Variants in KCNMA1 observed in about 807,000 individuals in gnomAD.
KCNMA1 encodes Calcium-activated potassium channel subunit alpha-1.
In KCNMA1, 29 loss-of-function variants were observed where a neutral mutation model predicts 140.0. That is an observed-to-expected ratio of 0.21 (90% CI 0.15 to 0.28). The LOEUF (loss-of-function observed/expected upper bound fraction) is 0.28. KCNMA1 is among the 10% of genes least tolerant of loss of function. KCNMA1 has a pLI of 1.00. For missense variants in KCNMA1, 880 were observed against 1,602.2 expected, an observed-to-expected ratio of 0.55 and a Z score of 7.70; for synonymous variants, 612 against 611.9, an observed-to-expected ratio of 1.00 and a Z score of 0.00.
At chr10:77,359,253 G>A (rs977063667) in intron 2 of KCNMA1, among the ~76,000 whole-genome samples, 6 of 152,166 alleles carry the variant, frequency 3.9e-5, no homozygotes, top group African/African-American at 4.8e-5. Context: ...ATGTGTTGGC[G>A]GGGAGGGGCA....
intron 1 of KCNMA1, among the ~76,000 whole-genome samples, chr10:77,595,956 G>A (rs1470164354): frequency 6.6e-6 from 1 of 152,170 alleles, no homozygotes; most frequent in Non-Finnish European, 1.5e-5. Flanking sequence ...AGCCCAGATA[G>A]GTTAGTTTAT....
At chr10:77,039,264 C>CTGTA (rs1228074450) in intron 15 of KCNMA1, 2 of 551,474 alleles carry the variant, frequency 3.6e-6, no homozygotes, top group Middle Eastern at 5.0e-4. Flanking sequence ...TGCAGGATAA[C>CTGTA]TGTAGTTCAT....
At chr10:77,143,717 AT>A (rs1489482215) in intron 5 of KCNMA1, among the ~76,000 whole-genome samples, 1 of 152,144 alleles carries the variant, frequency 6.6e-6, no homozygotes, top group Non-Finnish European at 1.5e-5. Flanking sequence ...AGGCACTCAC[AT>A]TTTTAAAAAG....
chr10:77,595,218 G>A (rs2080481842), intron 1 of KCNMA1, among the ~76,000 whole-genome samples: 1 of 151,802 alleles, frequency 6.6e-6, no homozygotes, highest in African/African-American at 2.4e-5. Flanking sequence ...ATGGTGGTGG[G>A]CGCCTGTATT....
At chr10:77,158,666 CTT>C (rs1040499900) in intron 5 of KCNMA1, among the ~76,000 whole-genome samples, 1 of 152,106 alleles carries the variant, frequency 6.6e-6, no homozygotes, top group Non-Finnish European at 1.5e-5. Flanking sequence ...AAGAAGTTGT[CTT>C]GAGACCCCTT....
intron 3 of KCNMA1, among the ~76,000 whole-genome samples, chr10:77,206,312 T>A (rs1306231422): frequency 2.0e-5 from 3 of 152,154 alleles, no homozygotes. Context: ...TTGAAAAAAA[T>A]GTGTCAACCT....
At position 77,223,189 on chromosome 10, in the gene KCNMA1, A is replaced by T. The variant is rs967355844; in HGVS notation, c.602+28006T>A. Among the ~76,000 whole-genome samples, 6 of 151,936 alleles carry T rather than the reference A, an allele frequency of 3.9e-5. No homozygotes were observed. In the South Asian group the frequency reaches 1.2e-3, roughly 32 times the overall value. On this transcript the variant is annotated intron_variant, in intron 3 of 27. Coordinates refer to ENST00000286628, the MANE Select transcript of KCNMA1 (RefSeq NM_001161352.2). Reference sequence around the variant, plus strand: ...GGTTGCAGTGCGCTGAGATCATGCCATTGCACTCCAGCTCTGGGTGACAGA... The same window carrying T: ...GGTTGCAGTGCGCTGAGATCATGCCTTTGCACTCCAGCTCTGGGTGACAGA...
rs572827902 is a variant in KCNMA1 at position 77,637,505 on chromosome 10, AGAG to A, written c.135_137del (p.Ser60del). 2,888 of 1,551,062 alleles carry A rather than the reference AGAG, an allele frequency of 1.9e-3. No individual in the cohort carries two copies. The highest frequency in any genetic ancestry group is 2.1e-3 in the Non-Finnish European group (2,428 of 1,136,446). ...AGGAGGAGGAAGAAGAAGAAGAGGAAGAGGAGGAGGAGGAGGAGGAGGACGCGT... is the reference window on the plus strand; with the variant it reads ...AGGAGGAGGAAGAAGAAGAAGAGGAAGAGGAGGAGGAGGAGGAGGACGCGT... On this transcript the variant is annotated inframe_deletion, in exon 1 of 28. Transcript: ENST00000286628.
At chr10:76,918,448 T>G (rs1446981634) in intron 23 of KCNMA1, among the ~76,000 whole-genome samples, 1 of 152,208 alleles carries the variant, frequency 6.6e-6, no homozygotes, top group Admixed American at 6.6e-5. Flanking sequence ...GGGAGGCAAG[T>G]TTTGTGCTAA....
At chr10:77,143,956 C>A (rs1025748308) in intron 5 of KCNMA1, among the ~76,000 whole-genome samples, 1 of 152,252 alleles carries the variant, frequency 6.6e-6, no homozygotes, top group Non-Finnish European at 1.5e-5. Flanking sequence ...GCAGCTGGCA[C>A]CCTCACACGT....
At chr10:77,317,721 G>A (rs142045792) in intron 2 of KCNMA1, among the ~76,000 whole-genome samples, 91 of 152,312 alleles carry the variant, frequency 6.0e-4, no homozygotes, top group African/African-American at 1.8e-3. Flanking sequence ...GCACAAGGCC[G>A]CTGTACATTT....
chr10:77,145,012 G>T (rs1008047573), intron 5 of KCNMA1, among the ~76,000 whole-genome samples: 2 of 152,178 alleles, frequency 1.3e-5, no homozygotes. Flanking sequence ...CCAAAAATCT[G>T]CCAAAGCACT....
At chr10:77,449,519 T>G (rs1410640625) in intron 1 of KCNMA1, among the ~76,000 whole-genome samples, 7 of 48,002 alleles carry the variant, frequency 1.5e-4, no homozygotes, top group East Asian at 1.0e-3. Context: ...AGGATTAGGG[T>G]GGGTGGGGTA....
At chr10:77,513,433 G>A (rs1205652880) in intron 1 of KCNMA1, among the ~76,000 whole-genome samples, 1 of 152,210 alleles carries the variant, frequency 6.6e-6, no homozygotes, top group Non-Finnish European at 1.5e-5. Flanking sequence ...GCTATCGAAT[G>A]CACTGCTGCC....
chr10:77,027,873 G>A lies in KCNMA1; in HGVS notation c.1878C>T (p.Leu626=). 6.2e-7 allele frequency: 1 copy of A among 1,613,780 alleles called. No homozygotes were observed. Among genetic ancestry groups the A allele is most frequent in the Non-Finnish European group, 8.5e-7 (1 of 1,179,886 alleles). Reference sequence around the variant, plus strand: ...ACTCAATGGCTATCATTAGGAGCTTGAGCTTCACAAAACACAGCCTGCAAT... The same window carrying A: ...ACTCAATGGCTATCATTAGGAGCTTAAGCTTCACAAAACACAGCCTGCAAT... ...PTVCELCFVK[L]KLLMIAIEYK... is the part of the protein sequence containing the mutation. Residue 626 remains leucine (L), a synonymous_variant, in exon 16 of 28, where the codon CTC becomes CTT. Transcript: ENST00000286628.
At position 77,222,859 on chromosome 10, in the gene KCNMA1, G is replaced by T. The variant is rs574689058; in HGVS notation, c.602+28336C>A. On this transcript the variant is annotated intron_variant, in intron 3 of 27. Coordinates refer to ENST00000286628, the MANE Select transcript of KCNMA1 (RefSeq NM_001161352.2). ...CTCTACATATCTGATTTTATATTATGATTGTATTGTGGGGCATGCTACTGC... is the reference window on the plus strand; with the variant it reads ...CTCTACATATCTGATTTTATATTATTATTGTATTGTGGGGCATGCTACTGC... Among the ~76,000 whole-genome samples, 28 of 152,304 alleles carry T rather than the reference G, an allele frequency of 1.8e-4. 1 individual carries two copies. Among genetic ancestry groups the T allele is most frequent in the African/African-American group, 6.3e-4 (26 of 41,568 alleles).
intron 1 of KCNMA1, among the ~76,000 whole-genome samples, chr10:77,511,154 C>G (rs1195298419): frequency 6.6e-6 from 1 of 152,194 alleles, no homozygotes; most frequent in African/African-American, 2.4e-5. Context: ...GTCCTGGGCC[C>G]CAGCCTCAGT....
At chr10:77,344,588 T>A (rs2091761374) in intron 2 of KCNMA1, among the ~76,000 whole-genome samples, 1 of 152,040 alleles carries the variant, frequency 6.6e-6, no homozygotes, top group African/African-American at 2.4e-5. Context: ...TTTCTCTATT[T>A]TTTTTTTTGG....
At chr10:76,926,052 TA>T (rs1263992938) in intron 23 of KCNMA1, among the ~76,000 whole-genome samples, 43 of 152,190 alleles carry the variant, frequency 2.8e-4, no homozygotes, top group Admixed American at 2.7e-3. Context: ...GTGTTTCCTG[TA>T]CATACGTTTA....
Sources: gnomAD v4.1 joint callset for allele counts (sites outside exome capture counted in the v4.1 genomes callset) on GRCh38, gnomAD v4.1.1 for gene constraint, MANE v1.5 for transcripts, NCBI Gene and HGNC (gene_info 2026-07-23, HGNC 2026-07-21) for gene names.